Variants in COL6A3 observed in about 807,000 individuals in gnomAD.
COL6A3 encodes collagen type VI alpha 3 chain, also known as collagen alpha-3(VI) chain.
In COL6A3, 137 loss-of-function variants were observed where a neutral mutation model predicts 274.1. That is an observed-to-expected ratio of 0.50 (90% CI 0.44 to 0.58). The LOEUF is 0.58. COL6A3 is among the 20% of genes least tolerant of loss of function. The pLI, the probability that COL6A3 is intolerant of heterozygous loss-of-function variation, is 0.00. For synonymous variants in COL6A3, 1,650 were observed against 1,650.6 expected, an observed-to-expected ratio of 1.00 and a Z score of 0.01; for missense variants, 3,950 against 4,124.9, an observed-to-expected ratio of 0.96 and a Z score of 1.16.
In COL6A3 at chr2:237,387,945, C is replaced by A. The variant is rs1406557869; in HGVS notation, c.949G>T (p.Gly317Trp). The A allele has an allele frequency of 6.2e-7, 1 of 1,614,210 alleles. No homozygotes were observed. Among genetic ancestry groups the A allele is most frequent in the Non-Finnish European group, 8.5e-7 (1 of 1,180,044 alleles). Residue 317 changes from glycine (G) to tryptophan (W), a missense_variant, in exon 4 of 44, where the codon GGG becomes TGG. Gly to Trp is a radical substitution (Grantham distance 184). Around this residue, in one of 5 missense-constraint regions of COL6A3, gnomAD observed 1,934 missense variants for 1,984.3 expected, o/e 0.97. Coordinates refer to ENST00000295550, the MANE Select transcript of COL6A3 (RefSeq NM_004369.4). ...GAVKALGFAGGELANIGLALD... is the reference protein window; with the variant it reads ...GAVKALGFAGWELANIGLALD... The stretch of plus-strand genomic sequence containing the variant: ...GCGAGGCCGATATTGGCCAACTCCC[C>A]ACCAGCAAACCCGAGGGCTTTCACT...
intron 24 of COL6A3, 75 bp downstream of exon 24, chr2:237,354,824 T>C: frequency 5.6e-6 from 7 of 1,255,222 alleles, no homozygotes; most frequent in Non-Finnish European, 7.9e-6. Context: ...CAGGAGAGAG[T>C]GTTTTTCACT....
chr2:237,372,609 T>C (rs190228748), intron 8 of COL6A3, among the ~76,000 whole-genome samples: 140 of 152,336 alleles, frequency 9.2e-4, no homozygotes, highest in African/African-American at 3.1e-3. Context: ...TGACCTGCAC[T>C]GCATCAGGTG....
rs2077424096 is a variant in COL6A3, at chr2:237,361,022, A to G, written c.6210+99T>C. 5 of 1,013,726 alleles carry G rather than the reference A, an allele frequency of 4.9e-6. No individual in the cohort carries two copies. The highest frequency in any genetic ancestry group is 1.3e-5 in the South Asian group (1 of 78,290). 62.8% of individuals were successfully genotyped at this position (1,013,726 alleles called of 1,614,324 possible). ...TAATTTTTCTCCCAAAGGGAAAGCC[A>G]TCAGCAACTGAACAAATGATGAAAT... On this transcript the variant is annotated intron_variant, in intron 16 of 43. Transcript: ENST00000295550. The surrounding 1 kb of genome is among the most constrained non-coding windows in gnomAD (Gnocchi z 5.1).
chr2:237,364,845 A>G lies in COL6A3; in HGVS notation c.5839-417T>C, dbSNP rs577485317. The stretch of plus-strand genomic sequence containing the variant: ...TGTGCATGTGTGGGTGTGTGGGTGT[A>G]CATGTGTGTGGGTGCGTATGTGTGT... On this transcript the variant is annotated intron_variant, in intron 12 of 43. Transcript: ENST00000295550. The surrounding 1 kb of genome is among the most constrained non-coding windows in gnomAD (Gnocchi z 4.6). Among the ~76,000 whole-genome samples, 2 of 145,590 alleles carry G rather than the reference A, an allele frequency of 1.4e-5. No homozygotes were observed. The highest frequency in any genetic ancestry group is 3.0e-5 in the Non-Finnish European group (2 of 66,382).
At chr2:237,405,478 C>T (rs2078696383) in intron 1 of COL6A3, among the ~76,000 whole-genome samples, 1 of 152,094 alleles carries the variant, frequency 6.6e-6, no homozygotes, top group Admixed American at 6.5e-5. Flanking sequence ...AATGAGGCAG[C>T]CATCCGCGCT....
chr2:237,392,873 A>G (rs1386169657), intron 3 of COL6A3, among the ~76,000 whole-genome samples: 1 of 152,042 alleles, frequency 6.6e-6, no homozygotes, highest in Non-Finnish European at 1.5e-5. Flanking sequence ...ACATCTGAGG[A>G]CCACACTGAG....
At chr2:237,341,457 T>A (rs2076986016) in intron 37 of COL6A3, among the ~76,000 whole-genome samples, 1 of 143,080 alleles carries the variant, frequency 7.0e-6, no homozygotes, top group African/African-American at 2.6e-5. Flanking sequence ...GGCAGGAGAA[T>A]CGCTTGAACC....
In COL6A3 at chr2:237,350,136, T is replaced by C; in HGVS notation, c.6879+11A>G. 2 of 1,613,900 alleles carry C rather than the reference T, an allele frequency of 1.2e-6. No individual in the cohort carries two copies. Among genetic ancestry groups the C allele is most frequent in the Non-Finnish European group, 8.5e-7 (1 of 1,179,846 alleles). ...AGCGACAGCCTGACCCCAAGCGCGC[T>C]GTGACCTTACCGTCTCCCCACGAGG... On this transcript the variant is annotated intron_variant, in intron 28 of 43. Coordinates refer to ENST00000295550, the MANE Select transcript of COL6A3 (RefSeq NM_004369.4).
At position 237,364,257 on chromosome 2, in the gene COL6A3, C is replaced by T. The variant is rs901298024; in HGVS notation, c.5917+93G>A. 76 of 977,826 alleles carry T rather than the reference C, an allele frequency of 7.8e-5. No homozygotes were observed. The highest frequency in any genetic ancestry group is 2.5e-4 in the Middle Eastern group (1 of 3,974). 60.6% of individuals were successfully genotyped at this position (977,826 alleles called of 1,614,324 possible). A position where few individuals can be genotyped will look rare whatever the true frequency, so the allele number is the denominator to read the frequency against. ...CCAAGACAACGCTGCTCCCTTGGGG[C>T]GCTGCATTAGCAGAGAGGTTTCTCT... is the stretch of plus-strand genomic sequence containing the variant. On this transcript the variant is annotated intron_variant, in intron 13 of 43. Coordinates refer to ENST00000295550, the MANE Select transcript of COL6A3 (RefSeq NM_004369.4). This position sits in a 1 kb window ranked among gnomAD's most constrained non-coding sequence, Gnocchi z 4.6.
chr2:237,374,076 C>T lies in COL6A3; in HGVS notation c.3679+336G>A, dbSNP rs1301762362. Among the ~76,000 whole-genome samples, 1 of 152,238 alleles carries T rather than the reference C, an allele frequency of 6.6e-6. No individual in the cohort carries two copies. Among genetic ancestry groups the T allele is most frequent in the Non-Finnish European group, 1.5e-5 (1 of 68,042 alleles). ...CAGGGGTCGCAGGACTGATACGCAACAGGCGTTATCAGTTAGACGGCCCCT... is the reference window on the plus strand; with the variant it reads ...CAGGGGTCGCAGGACTGATACGCAATAGGCGTTATCAGTTAGACGGCCCCT... On this transcript the variant is annotated intron_variant, in intron 8 of 43. Transcript: ENST00000295550. The surrounding 1 kb of genome is among the most constrained non-coding windows in gnomAD (Gnocchi z 4.8).
rs771081899 is a variant in COL6A3 at position 237,387,879 on chromosome 2, C to T, written c.1015G>A (p.Gly339Ser). 2 of 1,613,992 alleles carry T rather than the reference C, an allele frequency of 1.2e-6. No homozygotes were observed. Among genetic ancestry groups the T allele is most frequent in the Non-Finnish European group, 1.7e-6 (2 of 1,179,998 alleles). Reference protein sequence around the residue: ...VVENHFTRAGGSRVEEGVPQV... With the variant: ...VVENHFTRAGSSRVEEGVPQV... The stretch of plus-strand genomic sequence containing the variant: ...GGAACCCCTTCCTCCACGCGGCTGC[C>T]CCCTGCCCGGGTGAAGTGGTTCTCC... The change falls in exon 4 of 44, where the codon GGC becomes AGC. Residue 339 changes from glycine (G) to serine (S), a missense_variant. Transcript: ENST00000295550.
intron 28 of COL6A3, 117 bp downstream of exon 28, chr2:237,350,030 G>A (rs543482639): frequency 1.2e-4 from 116 of 974,866 alleles, no homozygotes; most frequent in African/African-American, 6.4e-4. Context: ...ATTTCCAGCC[G>A]TATCCCCAAT....
Position 237,336,252 on chromosome 2 carries a change from C to T in COL6A3, c.8848G>A (p.Ala2950Thr). The change falls in exon 40 of 44, where the codon GCA (alanine) becomes ACA (threonine). Residue 2950 changes from alanine to threonine, a missense_variant. Ala to Thr is a moderately conservative substitution (Grantham distance 58). Transcript: ENST00000295550. Reference protein sequence around the residue: ...TAAKPVAAKPAAVRPPAAAAA... With the variant: ...TAAKPVAAKPTAVRPPAAAAA... ...GCAGCAGCGGGGGGTCTTACAGCTG[C>T]TGGCTTTGCTGCTACAGGCTTCGCT... 1.2e-6 allele frequency: 2 copies of T among 1,614,034 alleles called. No homozygotes were observed. The highest frequency in any genetic ancestry group is 1.7e-6 in the Non-Finnish European group (2 of 1,179,982).
intron 3 of COL6A3, among the ~76,000 whole-genome samples, chr2:237,393,849 A>G (rs1357925963): frequency 6.6e-6 from 1 of 152,204 alleles, no homozygotes; most frequent in Admixed American, 6.5e-5. Flanking sequence ...GCAACTGCAC[A>G]TGACACATCG....
chr2:237,333,755 G>C (rs1171771879), intron 41 of COL6A3, among the ~76,000 whole-genome samples: 1 of 152,174 alleles, frequency 6.6e-6, no homozygotes. Flanking sequence ...AGCGACGGGA[G>C]GGGATCCCTG....
rs568169025 is a variant in COL6A3, at chr2:237,338,752, A to G, written c.8567+263T>C. On this transcript the variant is annotated intron_variant, in intron 39 of 43. Transcript: ENST00000295550. ...AACTGCAGTCCAGCCTGGGCAACAC[A>G]GCAAGACTCTGTCTCTAAATAAATT... 2.6e-5 allele frequency among the ~76,000 whole-genome samples: 4 copies of G among 152,358 alleles called. No homozygotes were observed. The South Asian group carries it at 6.2e-4, about 24-fold the overall frequency.
Position 237,375,420 on chromosome 2 carries a change from T to G in COL6A3, c.3071-400A>C, listed in dbSNP as rs1036839147. Among the ~76,000 whole-genome samples, 7 of 152,238 alleles carry G rather than the reference T, an allele frequency of 4.6e-5. 1 individual carries two copies. The highest frequency in any genetic ancestry group is 1.0e-4 in the Non-Finnish European group (7 of 68,042). On this transcript the variant is annotated intron_variant, in intron 7 of 43. Coordinates refer to ENST00000295550, the MANE Select transcript of COL6A3 (RefSeq NM_004369.4). ...AGCAGATGAAGAATCCCTTAGAACCTGCAGAAAGAACACAGCCTGTTGACA... is the reference window on the plus strand; with the variant it reads ...AGCAGATGAAGAATCCCTTAGAACCGGCAGAAAGAACACAGCCTGTTGACA...
At chr2:237,385,772 C>A (rs1457912540) in intron 4 of COL6A3, among the ~76,000 whole-genome samples, 1 of 152,210 alleles carries the variant, frequency 6.6e-6, no homozygotes, top group South Asian at 2.1e-4. Flanking sequence ...CAGCTCCAGG[C>A]ACCGGGCATG....
rs1002497891 is a variant in COL6A3 at position 237,345,353 on chromosome 2, C to T, written c.7093-140G>A. 5 of 782,018 alleles carry T rather than the reference C, an allele frequency of 6.4e-6. No homozygotes were observed. In the Admixed American group the frequency reaches 1.0e-4, roughly 16 times the overall value. 48.4% of individuals were successfully genotyped at this position (782,018 alleles called of 1,614,324 possible). ...ATTGTTTACAGCCTCTCCCTCTAAA[C>T]CTGATCTTATCCCTTGCAAAGCAAA... is the stretch of plus-strand genomic sequence containing the variant. On this transcript the variant is annotated intron_variant, in intron 32 of 43. Coordinates refer to ENST00000295550, the MANE Select transcript of COL6A3 (RefSeq NM_004369.4).
Sources: allele counts gnomAD v4.1 joint callset (sites outside exome capture counted in the v4.1 genomes callset), GRCh38; gene constraint gnomAD v4.1.1; regional missense constraint gnomAD v4.1.1; non-coding constraint Gnocchi (gnomAD v3.1); transcripts MANE v1.5; gene names NCBI Gene and HGNC (gene_info 2026-07-23, HGNC 2026-07-21).